The following THOC7 variants were observed in gnomAD, a reference collection of about 807,000 sequenced individuals.
The protein encoded by THOC7 is THO complex subunit 7, also known as NIF3L1-binding protein 1.
In THOC7, 22 loss-of-function variants were observed where a neutral mutation model predicts 33.1. The ratio of observed to expected loss-of-function variants is 0.66; its 90% CI spans 0.47 to 0.95. The LOEUF is 0.95. THOC7 is among the 40% of genes least tolerant of loss of function. The pLI is 0.00. For missense variants in THOC7, 184 were observed against 245.3 expected (o/e 0.75, Z 1.67); for synonymous variants, 77 against 76.8 (o/e 1.00, Z -0.01).
chr3:63,859,537 G>C (rs933737942), intron 1 of THOC7, among the ~76,000 whole-genome samples: 2 of 152,184 alleles, frequency 1.3e-5, no homozygotes, highest in Non-Finnish European at 2.9e-5. Context: ...TCTTCATGTG[G>C]TTGAACCTGT....
chr3:63,852,403 T>G (rs182352807), intron 1 of THOC7, among the ~76,000 whole-genome samples: 4 of 152,342 alleles, frequency 2.6e-5, no homozygotes, highest in Admixed American at 2.0e-4. Context: ...TTGGAGATTA[T>G]CTTTTTATAG....
upstream of THOC7, chr3:63,863,819 G>A: frequency 6.5e-6 from 8 of 1,233,950 alleles, no homozygotes; most frequent in Non-Finnish European, 7.0e-6. Flanking sequence ...GGCGGCGGCG[G>A]CGGCGCAAGC....
intron 7 of THOC7, among the ~76,000 whole-genome samples, chr3:63,834,579 G>C (rs529955455): frequency 3.3e-5 from 5 of 151,850 alleles, no homozygotes; most frequent in African/African-American, 9.7e-5. Context: ...AGAATCACTT[G>C]AGCCTGCAAG....
At chr3:63,862,403 T>C (rs561968136) in intron 1 of THOC7, among the ~76,000 whole-genome samples, 77 of 152,332 alleles carry the variant, frequency 5.1e-4, no homozygotes, top group Non-Finnish European at 5.4e-4. Context: ...GTGGTAATAT[T>C]TGTCACTCTT....
At chr3:63,842,884 C>T (rs562779307) in intron 1 of THOC7, among the ~76,000 whole-genome samples, 1 of 152,022 alleles carries the variant, frequency 6.6e-6, no homozygotes, top group Admixed American at 6.6e-5. Context: ...TGGGTTCAAG[C>T]CAGCCTCCTA....
upstream of THOC7, chr3:63,863,816 G>GCGGCGA: frequency 8.5e-7 from 1 of 1,172,682 alleles, no homozygotes; most frequent in African/African-American, 1.6e-5. Context: ...GGCGGCGGCG[G>GCGGCGA]CGGCGGCGCA....
intron 1 of THOC7, among the ~76,000 whole-genome samples, chr3:63,847,684 C>A (rs1701927735): frequency 6.7e-6 from 1 of 149,608 alleles, no homozygotes; most frequent in Non-Finnish European, 1.5e-5. Flanking sequence ...TTGCAGTGAG[C>A]CAAGATCGTG....
intron 1 of THOC7, among the ~76,000 whole-genome samples, chr3:63,858,509 G>A (rs1409495733): frequency 6.6e-6 from 1 of 151,794 alleles, no homozygotes; most frequent in East Asian, 1.9e-4. Flanking sequence ...TAAATAGAAT[G>A]TAGAGCCACA....
intron 1 of THOC7, among the ~76,000 whole-genome samples, chr3:63,851,737 C>T (rs1412786139): frequency 2.6e-5 from 4 of 152,152 alleles, no homozygotes; most frequent in Non-Finnish European, 5.9e-5. Context: ...GACTAATATG[C>T]TGTCTGTTCT....
chr3:63,843,533 C>T (rs562682775), intron 1 of THOC7, among the ~76,000 whole-genome samples: 4 of 152,278 alleles, frequency 2.6e-5, no homozygotes, highest in Admixed American at 1.3e-4. Context: ...TGCACTCCAA[C>T]GTTTATAGCA....
At chr3:63,843,963 CACAAATATGTGTTACACAT>C (rs1701829314) in intron 1 of THOC7, among the ~76,000 whole-genome samples, 1 of 151,882 alleles carries the variant, frequency 6.6e-6, no homozygotes, top group East Asian at 1.9e-4. Flanking sequence ...GTGTTACACA[CACAAATATGTGTTACACAT>C]ACACATACAT....
chr3:63,847,602 G>A (rs1458682437), intron 1 of THOC7, among the ~76,000 whole-genome samples: 1 of 151,986 alleles, frequency 6.6e-6, no homozygotes, highest in African/African-American at 2.4e-5. Context: ...CCGGGTGTGG[G>A]GTTGCGTGCC....
intron 1 of THOC7, among the ~76,000 whole-genome samples, chr3:63,853,393 C>T (rs1157849185): frequency 6.6e-6 from 1 of 152,038 alleles, no homozygotes; most frequent in Non-Finnish European, 1.5e-5. Context: ...CTGCCTAGAC[C>T]AGAAAAACGA....
At chr3:63,843,457 G>A (rs1044005489) in intron 1 of THOC7, among the ~76,000 whole-genome samples, 1 of 152,120 alleles carries the variant, frequency 6.6e-6, no homozygotes, top group African/African-American at 2.4e-5. Context: ...ACTACCATAT[G>A]ATCCAGCAAT....
chr3:63,848,657 TG>T (rs1701955505), intron 1 of THOC7: 1 of 152,226 alleles, frequency 6.6e-6, no homozygotes, highest in Non-Finnish European at 1.5e-5. Context: ...AGATACTTTT[TG>T]GTTGACAAAT....
chr3:63,863,808 CGGCGGCGGCGGCGGCGCAAGCTGA>C (rs1212512666), upstream of THOC7: 1 of 1,213,158 alleles, frequency 8.2e-7, no homozygotes, highest in Non-Finnish European at 1.0e-6. Flanking sequence ...GCGGCGGCGG[CGGCGGCGGCGGCGGCGCAAGCTGA>C]GGCGGCGGTT....
intron 1 of THOC7, among the ~76,000 whole-genome samples, chr3:63,853,378 G>A (rs746317469): frequency 8.6e-5 from 13 of 152,018 alleles, no homozygotes; most frequent in Non-Finnish European, 1.8e-4. Context: ...ACACCTCACA[G>A]CCAACTGCCT....
rs766582899 is a variant in THOC7 at position 63,836,367 on chromosome 3, C to T, written c.353-9G>A. Reference sequence around the variant, plus strand: ...TGCCAAAGCATCATATTCTGTAAGACATAAAAATATTTATCAAACTAAGGA... The same window carrying T: ...TGCCAAAGCATCATATTCTGTAAGATATAAAAATATTTATCAAACTAAGGA... On this transcript the variant is annotated splice_polypyrimidine_tract_variant and intron_variant, in intron 4 of 7. Coordinates refer to ENST00000295899, the MANE Select transcript of THOC7 (RefSeq NM_025075.4). 6.2e-7 allele frequency: 1 copy of T among 1,611,076 alleles called. No individual in the cohort carries two copies. The highest frequency in any genetic ancestry group is 8.5e-7 in the Non-Finnish European group (1 of 1,178,412).
At position 63,839,747 on chromosome 3, in the gene THOC7, T is replaced by C. The variant is rs577187742; in HGVS notation, c.46A>G (p.Ile16Val). 1 of 1,613,326 alleles carries C rather than the reference T, an allele frequency of 6.2e-7. No individual in the cohort carries two copies. The highest frequency in any genetic ancestry group is 8.5e-7 in the Non-Finnish European group (1 of 1,179,906). Reference protein sequence around the residue: ...DDEVIRKRLLIDGDGAGDDRR... With the variant: ...DDEVIRKRLLVDGDGAGDDRR... ...TCATCTCCAGCACCATCTCCATCAA[T>C]GAGGAGACGCTTCCGTATAACTTCG... Residue 16 changes from isoleucine (I) to valine (V), a missense_variant, in exon 2 of 8, where the codon ATT (isoleucine) becomes GTT (valine). Around this residue, in one of 3 missense-constraint regions of THOC7, gnomAD observed 157 missense variants for 201.3 expected, o/e 0.78. Transcript: ENST00000295899.
Sources: allele counts gnomAD v4.1 joint callset (sites outside exome capture counted in the v4.1 genomes callset), GRCh38; gene constraint gnomAD v4.1.1; regional missense constraint gnomAD v4.1.1; transcripts MANE v1.5; gene names NCBI Gene and HGNC (gene_info 2026-07-23, HGNC 2026-07-21).